The following RABGAP1L variants were observed in gnomAD, a reference collection of about 807,000 sequenced individuals.
The protein encoded by RABGAP1L is RAB GTPase activating protein 1 like, also known as rab GTPase-activating protein 1-like.
A neutral mutation model predicts 137.7 loss-of-function variants in RABGAP1L; 63 were observed. The observed-to-expected ratio is 0.46, with a 90% CI of 0.37 to 0.56. The LOEUF is 0.56. Ranked by LOEUF, RABGAP1L falls within the 20% of genes least tolerant of loss-of-function variation. RABGAP1L has a pLI of 0.00. For missense variants in RABGAP1L, 1,095 were observed against 1,244.0 expected, an observed-to-expected ratio of 0.88 and a Z score of 1.80; for synonymous variants, 431 against 433.7, an observed-to-expected ratio of 0.99 and a Z score of 0.08.
At chr1:174,745,638 T>C (rs907780332) in intron 17 of RABGAP1L, among the ~76,000 whole-genome samples, 1 of 152,210 alleles carries the variant, frequency 6.6e-6, no homozygotes, top group Non-Finnish European at 1.5e-5. Context: ...GTGGCAATAA[T>C]ACATATGCCA....
Position 174,221,008 on chromosome 1 carries a change from A to G in RABGAP1L, c.175A>G (p.Met59Val), listed in dbSNP as rs754501739. The G allele has an allele frequency of 6.2e-7, 1 of 1,612,312 alleles. No individual in the cohort carries two copies. Among genetic ancestry groups the G allele is most frequent in the East Asian group, 2.2e-5 (1 of 44,750 alleles). ...TGGTGATGAACAATTGGAAAAAGCC[A>G]TGGAAGAGATTTTGAGAGATTCCGA... ...SNGDEQLEKAMEEILRDSEKR... is the reference protein window; with the variant it reads ...SNGDEQLEKAVEEILRDSEKR... The change falls in exon 3 of 26, where the codon ATG becomes GTG. Residue 59 changes from methionine to valine, a missense_variant. This residue lies in a region of RABGAP1L where 356 missense variants were observed against 326.3 expected (regional missense o/e 1.09). Transcript: ENST00000681986.
At chr1:174,515,922 TTG>T (rs762396557) in intron 13 of RABGAP1L, among the ~76,000 whole-genome samples, 11 of 152,138 alleles carry the variant, frequency 7.2e-5, no homozygotes, top group Non-Finnish European at 1.0e-4. Flanking sequence ...CTTAGATCAC[TTG>T]GAGACATTTC....
intron 13 of RABGAP1L, among the ~76,000 whole-genome samples, chr1:174,479,211 T>G (rs1658822477): frequency 6.6e-6 from 1 of 152,240 alleles, no homozygotes; most frequent in South Asian, 2.1e-4. Flanking sequence ...GTGATGCCAC[T>G]GCTCCTGGTC....
intron 1 of RABGAP1L, among the ~76,000 whole-genome samples, chr1:174,173,967 A>G (rs2148248583): frequency 6.6e-6 from 1 of 152,326 alleles, no homozygotes; most frequent in South Asian, 2.1e-4. Context: ...CTGAAACATT[A>G]CAAAAGCCCC....
At chr1:174,438,154 G>C (rs1653650357) in intron 13 of RABGAP1L, among the ~76,000 whole-genome samples, 1 of 152,158 alleles carries the variant, frequency 6.6e-6, no homozygotes, top group Non-Finnish European at 1.5e-5. Flanking sequence ...GGAAGAAACT[G>C]CATCAACTAA....
Position 174,520,723 on chromosome 1 carries a change from C to A in RABGAP1L, c.1711-116652C>A, listed in dbSNP as rs57779280. Among the ~76,000 whole-genome samples, 198 of 152,264 alleles carry A rather than the reference C, an allele frequency of 1.3e-3. 1 individual carries two copies. The highest frequency in any genetic ancestry group is 4.4e-3 in the African/African-American group (184 of 41,554). ...GATTTAAAAAGTGTTTTAGTCTCGGCTGGGCATGGAGGCTCAGGTCTGTAA... is the reference window on the plus strand; with the variant it reads ...GATTTAAAAAGTGTTTTAGTCTCGGATGGGCATGGAGGCTCAGGTCTGTAA... On this transcript the variant is annotated intron_variant, in intron 13 of 25. Transcript: ENST00000681986.
At position 174,596,950 on chromosome 1, in the gene RABGAP1L, G is replaced by T. The variant is rs553122162; in HGVS notation, c.1711-40425G>T. ...AAGAGATGGTGAATTTTATTGAATGGTTTTTTTGTATCAATTGAAATGATC... is the reference window on the plus strand; with the variant it reads ...AAGAGATGGTGAATTTTATTGAATGTTTTTTTTGTATCAATTGAAATGATC... On this transcript the variant is annotated intron_variant, in intron 13 of 25. Transcript: ENST00000681986. 1.2e-3 allele frequency among the ~76,000 whole-genome samples: 177 copies of T among 151,888 alleles called. 1 individual carries two copies. The highest frequency in any genetic ancestry group is 3.9e-3 in the African/African-American group (162 of 41,452).
chr1:174,812,327 T>TTTCA (rs1341817060), intron 19 of RABGAP1L, among the ~76,000 whole-genome samples: 1 of 152,254 alleles, frequency 6.6e-6, no homozygotes, highest in Non-Finnish European at 1.5e-5. Context: ...TAGGCAATGC[T>TTTCA]TTCATTTCTC....
At chr1:174,704,643 C>T (rs1051548089) in intron 17 of RABGAP1L, among the ~76,000 whole-genome samples, 1 of 152,116 alleles carries the variant, frequency 6.6e-6, no homozygotes, top group Non-Finnish European at 1.5e-5. Context: ...GTTAATTCTC[C>T]GACTTGTTTT....
chr1:174,384,330 A>G (rs1686545259), intron 12 of RABGAP1L, among the ~76,000 whole-genome samples: 1 of 152,304 alleles, frequency 6.6e-6, no homozygotes, highest in Middle Eastern at 3.4e-3. Flanking sequence ...ACTATCCTGT[A>G]TCTTGGTTAT....
At chr1:174,371,618 T>C (rs1462205415) in intron 12 of RABGAP1L, among the ~76,000 whole-genome samples, 1 of 152,160 alleles carries the variant, frequency 6.6e-6, no homozygotes, top group African/African-American at 2.4e-5. Flanking sequence ...GTACTTTTTA[T>C]ATTTATGATA....
chr1:174,767,657 C>G (rs968541873), intron 18 of RABGAP1L, among the ~76,000 whole-genome samples: 1 of 152,084 alleles, frequency 6.6e-6, no homozygotes, highest in African/African-American at 2.4e-5. Flanking sequence ...ATCTTATAAC[C>G]TGCAACCTTG....
intron 17 of RABGAP1L, among the ~76,000 whole-genome samples, chr1:174,732,099 T>A (rs1013537911): frequency 6.6e-6 from 1 of 151,738 alleles, no homozygotes; most frequent in Non-Finnish European, 1.5e-5. Flanking sequence ...CTTGGGAGGC[T>A]GAGGCAGGAG....
intron 17 of RABGAP1L, among the ~76,000 whole-genome samples, chr1:174,747,198 T>C (rs193098527): frequency 6.6e-6 from 1 of 152,162 alleles, no homozygotes; most frequent in East Asian, 1.9e-4. Flanking sequence ...AGCCCAGGAA[T>C]TGGAGACCAG....
intron 17 of RABGAP1L, among the ~76,000 whole-genome samples, chr1:174,747,769 G>C (rs909187733): frequency 6.6e-6 from 1 of 151,876 alleles, no homozygotes; most frequent in Non-Finnish European, 1.5e-5. Context: ...CATCAATCCT[G>C]CTGGATTATC....
intron 13 of RABGAP1L, among the ~76,000 whole-genome samples, chr1:174,475,009 AAT>A (rs1264436901): frequency 1.3e-5 from 2 of 152,236 alleles, no homozygotes; most frequent in South Asian, 2.1e-4. Flanking sequence ...TATTAAATGT[AAT>A]GTATGTTACA....
At chr1:174,726,464 A>G (rs2148607720) in intron 17 of RABGAP1L, among the ~76,000 whole-genome samples, 1 of 151,640 alleles carries the variant, frequency 6.6e-6, no homozygotes, top group South Asian at 2.1e-4. Context: ...TTTTCACATA[A>G]TTTTGTTTTT....
intron 14 of RABGAP1L, among the ~76,000 whole-genome samples, chr1:174,679,517 G>A (rs916048819): frequency 6.6e-6 from 1 of 152,184 alleles, no homozygotes; most frequent in African/African-American, 2.4e-5. Context: ...TCTGGAAGAA[G>A]ACAAAGATGT....
At chr1:174,833,459 T>TAG (rs1558127458) in intron 19 of RABGAP1L, among the ~76,000 whole-genome samples, 2 of 44,252 alleles carry the variant, frequency 4.5e-5, no homozygotes, top group African/African-American at 7.2e-5. Context: ...GATATATATA[T>TAG]ATATATATAG....
Sources: gnomAD v4.1 joint callset for allele counts (sites outside exome capture counted in the v4.1 genomes callset) on GRCh38, gnomAD v4.1.1 for gene constraint, gnomAD v4.1.1 regional missense constraint, MANE v1.5 for transcripts, NCBI Gene and HGNC (gene_info 2026-07-23, HGNC 2026-07-21) for gene names.